Variants in TRPM3 observed in about 807,000 individuals in gnomAD.
The protein encoded by TRPM3 is long transient receptor potential channel 3.
In TRPM3, 77 loss-of-function variants were observed where a neutral mutation model predicts 181.2. The ratio of observed to expected loss-of-function variants is 0.42; its 90% CI spans 0.35 to 0.51. The LOEUF (loss-of-function observed/expected upper bound fraction) is 0.51. TRPM3 is among the 20% of genes least tolerant of loss of function. The pLI is 0.01. For synonymous variants in TRPM3, 745 were observed against 796.4 expected (o/e 0.94, Z 1.09); for missense variants, 1,759 against 2,196.7 (o/e 0.80, Z 3.98).
chr9:70,541,121 G>T (rs2043223630), intron 25 of TRPM3, among the ~76,000 whole-genome samples: 1 of 152,188 alleles, frequency 6.6e-6, no homozygotes, highest in African/African-American at 2.4e-5. Context: ...GGAAAGCAGA[G>T]AAGGTACAGG....
At chr9:70,815,513 T>C (rs1359472614) in intron 6 of TRPM3, among the ~76,000 whole-genome samples, 1 of 152,182 alleles carries the variant, frequency 6.6e-6, no homozygotes, top group African/African-American at 2.4e-5. Context: ...ATAATGACAC[T>C]CAATATTTTT....
chr9:71,418,435 C>A (rs1341894344), intron 1 of TRPM3, among the ~76,000 whole-genome samples: 1 of 151,770 alleles, frequency 6.6e-6, no homozygotes, highest in Non-Finnish European at 1.5e-5. Context: ...AGAACTGGAC[C>A]TATGGCAGCC....
chr9:70,605,334 C>T (rs1445369591), intron 19 of TRPM3, among the ~76,000 whole-genome samples: 2 of 152,138 alleles, frequency 1.3e-5, no homozygotes, highest in African/African-American at 2.4e-5. Flanking sequence ...AACTGTTGCA[C>T]AAAAGTCCCT....
intron 1 of TRPM3, among the ~76,000 whole-genome samples, chr9:71,246,034 A>G (rs1049168821): frequency 2.6e-5 from 4 of 152,206 alleles, no homozygotes; most frequent in Non-Finnish European, 5.9e-5. Context: ...TATGATTGGA[A>G]TTTTACATGT....
At chr9:71,440,333 C>T in intron 1 of TRPM3, among the ~76,000 whole-genome samples, 1 of 152,150 alleles carries the variant, frequency 6.6e-6, no homozygotes, top group East Asian at 1.9e-4. Flanking sequence ...CATACTGTAC[C>T]ATACAAATAT....
rs374913432 is a variant in TRPM3, at chr9:71,152,852, T to C, written c.184-288341A>G. Among the ~76,000 whole-genome samples, 3 of 152,216 alleles carry C rather than the reference T, an allele frequency of 2.0e-5. No homozygotes were observed. In the South Asian group the frequency reaches 6.2e-4, roughly 32 times the overall value. The stretch of plus-strand genomic sequence containing the variant: ...TCATTTGAACTCTTTAAAGAAGATC[T>C]ATTCCATTTCAGGCACTGTGTTTGG... On this transcript the variant is annotated intron_variant, in intron 1 of 24. Transcript: ENST00000357533.
chr9:70,765,333 G>A (rs1394722842), intron 7 of TRPM3, among the ~76,000 whole-genome samples: 1 of 152,200 alleles, frequency 6.6e-6, no homozygotes, highest in East Asian at 1.9e-4. Flanking sequence ...GCTTATGCCT[G>A]TAATCCCAGC....
chr9:70,752,205 C>T (rs1352484907), intron 8 of TRPM3, among the ~76,000 whole-genome samples: 6 of 152,220 alleles, frequency 3.9e-5, no homozygotes, highest in East Asian at 3.9e-4. Context: ...TATAAAGTTA[C>T]ACTGATTAGA....
chr9:70,617,717 C>A (rs761153884), intron 17 of TRPM3, among the ~76,000 whole-genome samples: 30 of 152,166 alleles, frequency 2.0e-4, no homozygotes, highest in Non-Finnish European at 4.3e-4. Context: ...GTAATCCCAG[C>A]ACTTTGGGAG....
Position 71,325,781 on chromosome 9 carries a change from C to T in TRPM3, c.183+120872G>A, listed in dbSNP as rs142775137. Among the ~76,000 whole-genome samples, 5 of 152,154 alleles carry T rather than the reference C, an allele frequency of 3.3e-5. No homozygotes were observed. The East Asian group carries it at 5.8e-4, about 18-fold the overall frequency. On this transcript the variant is annotated intron_variant, in intron 1 of 24. Coordinates refer to the TRPM3 transcript ENST00000357533. ...CCACACACACACACACACAAAGTGA[C>T]GAAGGCTCTGCCACATGCTTCATTA...
At chr9:71,109,128 T>A (rs2070442315) in intron 1 of TRPM3, among the ~76,000 whole-genome samples, 1 of 152,188 alleles carries the variant, frequency 6.6e-6, no homozygotes, top group Non-Finnish European at 1.5e-5. Context: ...AGACTCGAGC[T>A]AAAATTTTCT....
At chr9:71,076,827 A>T (rs1400651668) in intron 1 of TRPM3, among the ~76,000 whole-genome samples, 2 of 152,182 alleles carry the variant, frequency 1.3e-5, no homozygotes, top group African/African-American at 4.8e-5. Context: ...TGTGATTGAG[A>T]ATCACTCACA....
At chr9:70,921,464 A>T (rs1344031642) in intron 1 of TRPM3, among the ~76,000 whole-genome samples, 1 of 152,224 alleles carries the variant, frequency 6.6e-6, no homozygotes, top group Non-Finnish European at 1.5e-5. Flanking sequence ...AGCATTAGCC[A>T]GGCCTTTCAC....
intron 1 of TRPM3, among the ~76,000 whole-genome samples, chr9:71,182,325 C>T (rs1341553720): frequency 6.6e-6 from 1 of 152,108 alleles, no homozygotes; most frequent in Non-Finnish European, 1.5e-5. Flanking sequence ...ACAACTCCCT[C>T]TCCATGGAAT....
intron 1 of TRPM3, among the ~76,000 whole-genome samples, chr9:70,956,961 C>CTTTTT (rs747544684): frequency 3.6e-5 from 5 of 137,436 alleles, no homozygotes; most frequent in African/African-American, 5.4e-5. Context: ...TTCTTTCTTT[C>CTTTTT]TTTTTTTTTT....
intron 1 of TRPM3, among the ~76,000 whole-genome samples, chr9:71,105,220 A>G (rs2069238847): frequency 6.6e-6 from 1 of 152,226 alleles, no homozygotes; most frequent in African/African-American, 2.4e-5. Context: ...GTATGACTTG[A>G]CTTACACAAA....
chr9:70,943,571 G>A (rs1040657282), intron 1 of TRPM3, among the ~76,000 whole-genome samples: 4 of 152,054 alleles, frequency 2.6e-5, no homozygotes, highest in African/African-American at 9.7e-5. Context: ...CTTAACACAC[G>A]ACTAACATCT....
intron 25 of TRPM3, among the ~76,000 whole-genome samples, chr9:70,540,710 T>C (rs2131639607): frequency 6.6e-6 from 1 of 152,220 alleles, no homozygotes; most frequent in East Asian, 1.9e-4. Flanking sequence ...CCTCCTGTTA[T>C]TTAGTATTTA....
intron 8 of TRPM3, among the ~76,000 whole-genome samples, chr9:70,682,398 C>T (rs1431435646): frequency 7.2e-5 from 11 of 152,020 alleles, no homozygotes; most frequent in Non-Finnish European, 1.3e-4. Context: ...AGTTCCATAA[C>T]TCCTAAATTG....
Sources: gnomAD v4.1 joint callset for allele counts (sites outside exome capture counted in the v4.1 genomes callset) on GRCh38, gnomAD v4.1.1 for gene constraint, MANE v1.5 for transcripts, NCBI Gene and HGNC (gene_info 2026-07-23, HGNC 2026-07-21) for gene names.